Variants in TFDP2 observed in about 807,000 individuals in gnomAD.
TFDP2 encodes transcription factor Dp-2, also known as transcription factor Dp-2 (E2F dimerization partner 2).
Under a neutral mutation model 59.3 loss-of-function variants are expected in TFDP2, and 17 were observed. The observed-to-expected ratio is 0.29, with a 90% CI of 0.20 to 0.43. The LOEUF (loss-of-function observed/expected upper bound fraction) is 0.43. TFDP2 is among the 20% of genes least tolerant of loss of function. TFDP2 has a pLI of 1.00. For missense variants in TFDP2, 391 were observed against 528.8 expected (o/e 0.74, Z 2.56); for synonymous variants, 180 against 194.7 (o/e 0.92, Z 0.63).
At chr3:141,992,041 C>CAAAAAAAAA (rs563215187) in intron 6 of TFDP2, among the ~76,000 whole-genome samples, 1 of 44,078 alleles carries the variant, frequency 2.3e-5, no homozygotes, top group Admixed American at 2.7e-4. Flanking sequence ...GACTCCATCT[C>CAAAAAAAAA]AAAAAAAAAA....
chr3:142,138,530 A>C (rs1392034064), intron 1 of TFDP2, among the ~76,000 whole-genome samples: 2 of 152,120 alleles, frequency 1.3e-5, no homozygotes, highest in African/African-American at 2.4e-5. Context: ...TTCCCTCTAC[A>C]CTGCTTTAAA....
intron 1 of TFDP2, among the ~76,000 whole-genome samples, chr3:142,116,773 T>C (rs939994649): frequency 6.6e-6 from 1 of 151,976 alleles, no homozygotes; most frequent in African/African-American, 2.4e-5. Flanking sequence ...TTCTCCATTA[T>C]ATTTTCCTAG....
chr3:142,076,545 G>A (rs1001903303), intron 3 of TFDP2, among the ~76,000 whole-genome samples: 2 of 152,164 alleles, frequency 1.3e-5, no homozygotes, highest in African/African-American at 4.8e-5. Flanking sequence ...GAAATAATGT[G>A]ATAGTGGTTT....
rs370075026 is a variant in TFDP2, at chr3:142,043,037, C to T, written c.83-37493G>A. Among the ~76,000 whole-genome samples, 11 of 150,886 alleles carry T rather than the reference C, an allele frequency of 7.3e-5. No homozygotes were observed. In the East Asian group the frequency reaches 2.0e-3, roughly 27 times the overall value. ...GATTACAGGCGTGAGCCACCGTGCC[C>T]GGCGATGCTTATTTTATTATTTTTT... is the stretch of plus-strand genomic sequence containing the variant. On this transcript the variant is annotated intron_variant, in intron 3 of 12. Transcript: ENST00000489671.
chr3:142,017,458 T>C (rs1945218811), intron 3 of TFDP2, among the ~76,000 whole-genome samples: 1 of 152,134 alleles, frequency 6.6e-6, no homozygotes, highest in African/African-American at 2.4e-5. Flanking sequence ...CACCAAAATA[T>C]TCCCTTCCTT....
At chr3:142,107,398 A>T (rs2061509574) in intron 1 of TFDP2, among the ~76,000 whole-genome samples, 1 of 151,446 alleles carries the variant, frequency 6.6e-6, no homozygotes, top group Admixed American at 6.6e-5. Context: ...CGTCTGGCTA[A>T]TTTTTTTGTA....
At chr3:141,979,381 C>A (rs1015882339) in intron 6 of TFDP2, among the ~76,000 whole-genome samples, 1 of 152,088 alleles carries the variant, frequency 6.6e-6, no homozygotes, top group Non-Finnish European at 1.5e-5. Context: ...TACTTTAGAG[C>A]GTACTTCTTC....
chr3:141,966,161 T>A (rs1054353927), intron 9 of TFDP2, among the ~76,000 whole-genome samples: 9 of 151,918 alleles, frequency 5.9e-5, no homozygotes, highest in Non-Finnish European at 1.2e-4. Context: ...ACATAATGTT[T>A]TTATTATTAT....
At position 141,950,860 on chromosome 3, in the gene TFDP2, C is replaced by T. The variant is rs971000118; in HGVS notation, c.*1653G>A. The T allele has an allele frequency of 1.3e-5, 2 of 152,342 alleles. No individual in the cohort carries two copies. The highest frequency in any genetic ancestry group is 4.8e-5 in the African/African-American group (2 of 41,426). The allele number at this position is 152,342 out of a possible 1,614,324, so 9.4% of individuals were successfully genotyped here. On this transcript the variant is annotated 3_prime_UTR_variant, in exon 13 of 13. Coordinates refer to ENST00000489671, the MANE Select transcript of TFDP2 (RefSeq NM_001178139.2). Reference sequence around the variant, plus strand: ...TAAGACCGAGTTCTCTAGAAACTGCCTCTATCTCTGAGTCTGTACTATGGC... The same window carrying T: ...TAAGACCGAGTTCTCTAGAAACTGCTTCTATCTCTGAGTCTGTACTATGGC...
chr3:141,966,269 T>G (rs1182983813), intron 9 of TFDP2, among the ~76,000 whole-genome samples: 1 of 151,742 alleles, frequency 6.6e-6, no homozygotes, highest in Non-Finnish European at 1.5e-5. Context: ...GCCTCCCAGG[T>G]TCAAATGATT....
intron 4 of TFDP2, among the ~76,000 whole-genome samples, chr3:141,997,658 T>C (rs563176277): frequency 6.6e-6 from 1 of 151,982 alleles, no homozygotes; most frequent in East Asian, 1.9e-4. Flanking sequence ...AAGATCAGCC[T>C]GGCCAATATG....
intron 2 of TFDP2, among the ~76,000 whole-genome samples, chr3:142,096,578 A>G (rs1443876705): frequency 6.6e-6 from 1 of 152,222 alleles, no homozygotes; most frequent in Non-Finnish European, 1.5e-5. Context: ...AGATACATAT[A>G]TATAAAATGG....
At chr3:141,990,885 C>T (rs112665050) in intron 6 of TFDP2, among the ~76,000 whole-genome samples, 17,965 of 151,904 alleles carry the variant, frequency 0.12, 1,920 homozygotes, top group African/African-American at 0.29. Flanking sequence ...GGTGAAACCC[C>T]GTCTCTACTG....
chr3:142,016,538 C>T (rs1445501464), intron 3 of TFDP2, among the ~76,000 whole-genome samples: 2 of 151,682 alleles, frequency 1.3e-5, no homozygotes, highest in South Asian at 2.1e-4. Flanking sequence ...TGACCTCAAG[C>T]GATCCATGTG....
At position 142,023,177 on chromosome 3, in the gene TFDP2, T is replaced by C. The variant is rs542080520; in HGVS notation, c.83-17633A>G. 2.0e-5 allele frequency among the ~76,000 whole-genome samples: 3 copies of C among 151,634 alleles called. No individual in the cohort carries two copies. In the East Asian group the frequency reaches 5.8e-4, roughly 29 times the overall value. On this transcript the variant is annotated intron_variant, in intron 3 of 12. Transcript: ENST00000489671. ...AAAGAAAAAGAAAAAAAGTTGGGTTTTTAAAATAAGTTTTTTTATTTATTT... is the reference window on the plus strand; with the variant it reads ...AAAGAAAAAGAAAAAAAGTTGGGTTCTTAAAATAAGTTTTTTTATTTATTT...
chr3:141,969,193 T>G (rs1226320529), intron 9 of TFDP2, among the ~76,000 whole-genome samples: 6 of 83,282 alleles, frequency 7.2e-5, no homozygotes, highest in South Asian at 7.0e-4. Context: ...ATATATGAGA[T>G]ATATATATAT....
At chr3:141,960,293 G>A (rs1165390587) in intron 10 of TFDP2, among the ~76,000 whole-genome samples, 2 of 152,150 alleles carry the variant, frequency 1.3e-5, no homozygotes, top group Non-Finnish European at 2.9e-5. Context: ...CTTCAGATAA[G>A]CAATAAATAG....
chr3:141,977,585 A>C (rs1940891657), intron 7 of TFDP2, among the ~76,000 whole-genome samples: 1 of 152,160 alleles, frequency 6.6e-6, no homozygotes, highest in East Asian at 1.9e-4. Context: ...TCTGCCAGAC[A>C]ACTGAATTTT....
intron 1 of TFDP2, among the ~76,000 whole-genome samples, chr3:142,128,325 T>G (rs755969968): frequency 2.0e-5 from 3 of 152,176 alleles, no homozygotes; most frequent in African/African-American, 4.8e-5. Flanking sequence ...ACAAAAAGAT[T>G]AAATGAAGAT....
Sources: gnomAD v4.1 joint callset for allele counts (sites outside exome capture counted in the v4.1 genomes callset) on GRCh38, gnomAD v4.1.1 for gene constraint, MANE v1.5 for transcripts, NCBI Gene and HGNC (gene_info 2026-07-23, HGNC 2026-07-21) for gene names.